MLLT10: variants seen among roughly 807,000 people sequenced by gnomAD.
The protein encoded by MLLT10 is MLLT10 histone lysine methyltransferase DOT1L cofactor, also known as protein AF-10.
A neutral mutation model predicts 129.1 loss-of-function variants in MLLT10; 30 were observed. The ratio of observed to expected loss-of-function variants is 0.23; its 90% CI spans 0.17 to 0.32. The LOEUF (loss-of-function observed/expected upper bound fraction) is 0.32. MLLT10 is among the 10% of genes least tolerant of loss of function. The pLI, the probability that MLLT10 is intolerant of heterozygous loss-of-function variation, is 1.00. For missense variants in MLLT10, 1,119 were observed against 1,268.3 expected (o/e 0.88, Z 1.79); for synonymous variants, 490 against 446.4 (o/e 1.10, Z -1.23).
At chr10:21,725,535 A>T (rs2057423503) in intron 14 of MLLT10, among the ~76,000 whole-genome samples, 1 of 152,106 alleles carries the variant, frequency 6.6e-6, no homozygotes, top group South Asian at 2.1e-4. Context: ...CCTGGCCAAC[A>T]TGGTGAAACT....
At chr10:21,741,016 A>G (rs2058785521) in intron 22 of MLLT10, among the ~76,000 whole-genome samples, 1 of 152,222 alleles carries the variant, frequency 6.6e-6, no homozygotes, top group Non-Finnish European at 1.5e-5. Flanking sequence ...ATGAGTGTTC[A>G]AAGTTGCAGT....
Position 21,743,521 on chromosome 10 carries a change from T to C in MLLT10, c.*1538T>C, listed in dbSNP as rs1053828458. ...CCACTGGTTGTTATTCTGTAACAGT[T>C]TGTATAAATGGTAAATTTTGAATGT... On this transcript the variant is annotated 3_prime_UTR_variant, in exon 23 of 23. Transcript: ENST00000307729. 1.1e-5 allele frequency: 2 copies of C among 184,954 alleles called. No homozygotes were observed. Among genetic ancestry groups the C allele is most frequent in the Non-Finnish European group, 2.3e-5 (2 of 87,108 alleles). The allele number at this position is 184,954 out of a possible 1,614,324, so 11.5% of individuals were successfully genotyped here. A position where few individuals can be genotyped will look rare whatever the true frequency, so the allele number is the denominator to read the frequency against.
At chr10:21,678,935 G>C (rs896723907) in intron 11 of MLLT10, among the ~76,000 whole-genome samples, 2 of 152,118 alleles carry the variant, frequency 1.3e-5, no homozygotes, top group African/African-American at 4.8e-5. Context: ...AGTAGAGTCA[G>C]GTTCTAATGT....
At chr10:21,670,000 T>C (rs947072057) in intron 9 of MLLT10, among the ~76,000 whole-genome samples, 2 of 152,170 alleles carry the variant, frequency 1.3e-5, no homozygotes, top group Admixed American at 1.3e-4. Context: ...TATAAACTCA[T>C]GGATATGGTC....
chr10:21,559,490 C>T (rs1359273179), intron 3 of MLLT10, among the ~76,000 whole-genome samples: 1 of 152,108 alleles, frequency 6.6e-6, no homozygotes, highest in Admixed American at 6.5e-5. Flanking sequence ...ACAAAATATA[C>T]CATTTTAACC....
chr10:21,722,280 TCTC>T (rs1171048435), intron 14 of MLLT10, among the ~76,000 whole-genome samples: 1 of 152,130 alleles, frequency 6.6e-6, no homozygotes, highest in African/African-American at 2.4e-5. Context: ...CAATAGCCGT[TCTC>T]CTTACCTGGG....
intron 13 of MLLT10, among the ~76,000 whole-genome samples, chr10:21,687,444 A>T (rs924979002): frequency 2.0e-5 from 3 of 152,172 alleles, no homozygotes; most frequent in Non-Finnish European, 4.4e-5. Context: ...GATATTACTG[A>T]TGGGGGATGA....
chr10:21,722,169 T>C (rs2057180822), intron 14 of MLLT10, among the ~76,000 whole-genome samples: 1 of 152,162 alleles, frequency 6.6e-6, no homozygotes, highest in African/African-American at 2.4e-5. Context: ...ACAAGGACAG[T>C]ACAGAGAGTT....
At chr10:21,561,750 G>A (rs937610340) in intron 3 of MLLT10, among the ~76,000 whole-genome samples, 1 of 152,050 alleles carries the variant, frequency 6.6e-6, no homozygotes, top group Non-Finnish European at 1.5e-5. Context: ...CCATATAAGC[G>A]AGAGTTTATT....
chr10:21,540,020 C>T (rs1034225536), intron 3 of MLLT10, among the ~76,000 whole-genome samples: 6 of 151,764 alleles, frequency 4.0e-5, no homozygotes, highest in African/African-American at 7.3e-5. Context: ...TTTGGGAAGC[C>T]GAGGCAGGAG....
At chr10:21,659,396 C>A (rs1315394744) in intron 9 of MLLT10, among the ~76,000 whole-genome samples, 1 of 151,990 alleles carries the variant, frequency 6.6e-6, no homozygotes, top group Non-Finnish European at 1.5e-5. Context: ...AAACAGAAAC[C>A]TAGGTTTGAG....
At chr10:21,571,382 C>T (rs1364768202) in intron 3 of MLLT10, among the ~76,000 whole-genome samples, 1 of 152,204 alleles carries the variant, frequency 6.6e-6, no homozygotes, top group Admixed American at 6.5e-5. Flanking sequence ...GCACCTTGGC[C>T]TCCTTGGACT....
intron 15 of MLLT10, 40 bp downstream of exon 15, chr10:21,726,395 C>T (rs1401823695): frequency 7.9e-6 from 11 of 1,395,352 alleles, no homozygotes; most frequent in Non-Finnish European, 1.0e-5. Flanking sequence ...ACCCTACTCT[C>T]ACCTACTTTA....
Position 21,702,202 on chromosome 10 carries a change from G to C in MLLT10, c.1700-11570G>C, listed in dbSNP as rs563582560. On this transcript the variant is annotated intron_variant, in intron 13 of 22. Coordinates refer to ENST00000307729, the MANE Select transcript of MLLT10 (RefSeq NM_001195626.3). ...AGCTGCCCAAAGTGCTGGGATTACAGGCGTGAGCCACTGTGCCTGGCTATG... is the reference window on the plus strand; with the variant it reads ...AGCTGCCCAAAGTGCTGGGATTACACGCGTGAGCCACTGTGCCTGGCTATG... 5.3e-5 allele frequency among the ~76,000 whole-genome samples: 8 copies of C among 152,314 alleles called. No homozygotes were observed. The South Asian group carries it at 1.7e-3, about 32-fold the overall frequency.
chr10:21,738,877 T>C (rs150795576), intron 21 of MLLT10, among the ~76,000 whole-genome samples: 2 of 152,216 alleles, frequency 1.3e-5, no homozygotes, highest in Non-Finnish European at 2.9e-5. Flanking sequence ...CTCTCATCAC[T>C]GTCTGTAAAT....
At chr10:21,585,728 T>C (rs868260430) in intron 3 of MLLT10, among the ~76,000 whole-genome samples, 12 of 152,158 alleles carry the variant, frequency 7.9e-5, no homozygotes, top group African/African-American at 2.9e-4. Flanking sequence ...TTTGTGTTTT[T>C]ATTAATGTAA....
intron 8 of MLLT10, among the ~76,000 whole-genome samples, chr10:21,638,659 A>G (rs1589372865): frequency 6.6e-6 from 1 of 152,134 alleles, no homozygotes. Flanking sequence ...TCACTATTTA[A>G]AAAAATAAAT....
chr10:21,539,589 T>C (rs552882856), intron 3 of MLLT10, among the ~76,000 whole-genome samples: 1 of 151,402 alleles, frequency 6.6e-6, no homozygotes, highest in African/African-American at 2.4e-5. Flanking sequence ...CTGGCCAACA[T>C]GGTGAAACCC....
intron 3 of MLLT10, among the ~76,000 whole-genome samples, chr10:21,573,771 G>A (rs1564436402): frequency 6.6e-6 from 1 of 151,932 alleles, no homozygotes; most frequent in Admixed American, 6.6e-5. Context: ...ATGTTGGCCA[G>A]GCAGGTCTCC....
Sources: allele counts gnomAD v4.1 joint callset (sites outside exome capture counted in the v4.1 genomes callset), GRCh38; gene constraint gnomAD v4.1.1; transcripts MANE v1.5; gene names NCBI Gene and HGNC (gene_info 2026-07-23, HGNC 2026-07-21).